Variants in AKAP14 observed in about 807,000 individuals in gnomAD.
AKAP14 encodes the protein A-kinase anchoring protein 14, also known as A-kinase anchor protein 14.
In AKAP14, 4 loss-of-function variants were observed where a neutral mutation model predicts 17.0. The ratio of observed to expected loss-of-function variants is 0.23; its 90% CI spans 0.12 to 0.54. The LOEUF (loss-of-function observed/expected upper bound fraction) is 0.54, where lower values mean the gene tolerates loss of function less well. Ranked by LOEUF, AKAP14 falls within the 20% of genes least tolerant of loss-of-function variation. The probability of loss-of-function intolerance (pLI) is 0.95; values close to 1 mark genes in which losing one functional copy is unlikely to be tolerated. For synonymous variants in AKAP14, 42 were observed against 51.3 expected (o/e 0.82, Z 0.77); for missense variants, 129 against 150.9 (o/e 0.85, Z 0.76).
At chrX:119,918,484 G>A (rs542327486) in intron 5 of AKAP14, among the ~76,000 whole-genome samples, 32 of 111,429 alleles carry the variant, frequency 2.9e-4, no homozygotes, top group African/African-American at 9.4e-4. Flanking sequence ...CATCTGCCTC[G>A]GCCTCCCAAA....
chrX:119,909,813 A>G lies in AKAP14; in HGVS notation c.262-4886A>G, dbSNP rs150828559. Among the ~76,000 whole-genome samples the G allele has an allele frequency of 8.6e-3, 933 of 107,944 alleles. 14 individuals are homozygous for G. Among genetic ancestry groups the G allele is most frequent in the African/African-American group, 0.03 (891 of 29,496 alleles). 93.7% of individuals were successfully genotyped at this position (107,944 alleles called of 115,157 possible). A position where few individuals can be genotyped will look rare whatever the true frequency, so the allele number is the denominator to read the frequency against. On this transcript the variant is annotated intron_variant, in intron 4 of 6. Transcript: ENST00000371431. ...GGAAGGAGAATCGCTTGAACCCAGG[A>G]GGCGGAGGTTGCAGTGTGCCGAGAT...
intron 2 of AKAP14, among the ~76,000 whole-genome samples, chrX:119,897,354 T>C (rs560535821): frequency 9.2e-6 from 1 of 108,481 alleles, no homozygotes; most frequent in Admixed American, 1.0e-4. Flanking sequence ...AGAGACGGGG[T>C]TTCACTGTGT....
chrX:119,905,629 C>T (rs1366447957), intron 4 of AKAP14, among the ~76,000 whole-genome samples: 1 of 111,210 alleles, frequency 9.0e-6, no homozygotes, highest in African/African-American at 3.3e-5. Context: ...CTTCCCTCGG[C>T]CACACTTGCC....
At chrX:119,918,936 A>G (rs946118579) in intron 5 of AKAP14, among the ~76,000 whole-genome samples, 1 of 112,139 alleles carries the variant, frequency 8.9e-6, no homozygotes, top group Non-Finnish European at 1.9e-5. Context: ...TATTCATCCT[A>G]TCCTAGTACA....
At chrX:119,898,889 C>G (rs2056547130) in intron 2 of AKAP14, among the ~76,000 whole-genome samples, 1 of 107,050 alleles carries the variant, frequency 9.3e-6, no homozygotes, top group African/African-American at 3.4e-5. Context: ...GAGAATAAGG[C>G]CAGGCGCGAT....
intron 4 of AKAP14, among the ~76,000 whole-genome samples, chrX:119,912,216 C>A (rs1317948303): frequency 8.9e-6 from 1 of 111,952 alleles, no homozygotes; most frequent in Non-Finnish European, 1.9e-5. Context: ...CAGGCGTGAG[C>A]CACTAAGCTT....
In AKAP14 at chrX:119,903,246, CA is replaced by C; in HGVS notation, c.25del (p.Ser9AlafsTer28). 2 of 1,208,973 alleles carry C rather than the reference CA, an allele frequency of 1.7e-6. No individual in the cohort carries two copies. The highest frequency in any genetic ancestry group is 2.2e-6 in the Non-Finnish European group (2 of 894,926). On this transcript the variant is annotated frameshift_variant, in exon 3 of 7. Coordinates refer to ENST00000371431, the MANE Select transcript of AKAP14 (RefSeq NM_178813.6). LOFTEE classifies it high-confidence loss of function. ...AAAATGAGTGAGACTCAAAATTCAACAAGCCAGAAAGCAATGGATGAGGATA... is the reference window on the plus strand; with the variant it reads ...AAAATGAGTGAGACTCAAAATTCAACAGCCAGAAAGCAATGGATGAGGATA... MSETQNSTSQKAMDEDNK... is the reference protein window; with the variant it reads MSETQNSXSQKAMDEDNK...
At chrX:119,917,492 T>C (rs1184262254) in intron 5 of AKAP14, among the ~76,000 whole-genome samples, 1 of 111,167 alleles carries the variant, frequency 9.0e-6, no homozygotes, top group African/African-American at 3.3e-5. Context: ...ATAATCCCAG[T>C]AACTCGGGAG....
intron 4 of AKAP14, among the ~76,000 whole-genome samples, chrX:119,910,325 AT>A (rs1293341336): frequency 1.8e-5 from 2 of 111,666 alleles, no homozygotes; most frequent in Non-Finnish European, 3.8e-5. Context: ...AGGGCCTGAA[AT>A]CTTTTTGATG....
intron 6 of AKAP14, 68 bp from the exon 7 acceptor site, chrX:119,920,440 C>T: frequency 1.1e-6 from 1 of 914,262 alleles, no homozygotes; most frequent in Non-Finnish European, 1.5e-6. Flanking sequence ...AGGGAATCCC[C>T]TTTGTTTGAT....
At position 119,907,585 on chromosome X, in the gene AKAP14, G is replaced by A. The variant is rs113602167; in HGVS notation, c.261+3999G>A. On this transcript the variant is annotated intron_variant, in intron 4 of 6. Coordinates refer to ENST00000371431, the MANE Select transcript of AKAP14 (RefSeq NM_178813.6). ...TGATCCTCCTGCCTCAGCCTCCTGAGTAGCTAGGACTATGGGTACACAGCA... is the reference window on the plus strand; with the variant it reads ...TGATCCTCCTGCCTCAGCCTCCTGAATAGCTAGGACTATGGGTACACAGCA... Among the ~76,000 whole-genome samples, 396 of 110,889 alleles carry A rather than the reference G, an allele frequency of 3.6e-3. 1 individual carries two copies. The highest frequency in any genetic ancestry group is 6.2e-3 in the Non-Finnish European group (326 of 52,981).
chrX:119,919,810 C>A, intron 5 of AKAP14, 101 bp from the exon 6 acceptor site: 1 of 912,637 alleles, frequency 1.1e-6, no homozygotes, highest in Non-Finnish European at 1.6e-6. Context: ...TGCACCACTG[C>A]ACTTACACCT....
chrX:119,900,800 G>C (rs1192656191), intron 2 of AKAP14, among the ~76,000 whole-genome samples: 1 of 111,535 alleles, frequency 9.0e-6, no homozygotes, highest in Non-Finnish European at 1.9e-5. Flanking sequence ...GCCTCCCGAA[G>C]TGCTGGGATT....
chrX:119,904,708 C>T (rs1445033971), intron 4 of AKAP14, among the ~76,000 whole-genome samples: 1 of 111,179 alleles, frequency 9.0e-6, no homozygotes, highest in East Asian at 2.8e-4. Context: ...TATGGTGAAA[C>T]CCCGTCTCTA....
intron 2 of AKAP14, among the ~76,000 whole-genome samples, chrX:119,898,579 T>G (rs1264145135): frequency 7.2e-4 from 78 of 108,497 alleles, no homozygotes; most frequent in Non-Finnish European, 1.2e-3. Context: ...GTGTATCACC[T>G]GAGGTCAGGA....
At chrX:119,904,003 G>T (rs998123981) in intron 4 of AKAP14, among the ~76,000 whole-genome samples, 1 of 111,290 alleles carries the variant, frequency 9.0e-6, no homozygotes, top group African/African-American at 3.3e-5. Flanking sequence ...CAGTGCAGGG[G>T]CTCGATCCTA....
At chrX:119,911,486 G>T (rs1459452135) in intron 4 of AKAP14, among the ~76,000 whole-genome samples, 1 of 111,501 alleles carries the variant, frequency 9.0e-6, no homozygotes, top group African/African-American at 3.2e-5. Context: ...GTGTTCAAAG[G>T]GAAAGGGTGT....
At chrX:119,905,287 C>T (rs780485180) in intron 4 of AKAP14, among the ~76,000 whole-genome samples, 2 of 111,888 alleles carry the variant, frequency 1.8e-5, no homozygotes, top group South Asian at 3.7e-4. Flanking sequence ...TATGCTCCAG[C>T]GGACGCCACT....
chrX:119,905,600 C>T (rs1267257520), intron 4 of AKAP14, among the ~76,000 whole-genome samples: 1 of 111,053 alleles, frequency 9.0e-6, no homozygotes, highest in Non-Finnish European at 1.9e-5. Context: ...TCCCATCACT[C>T]CTTCCCCCCT....
Sources: gnomAD v4.1 joint callset for allele counts (sites outside exome capture counted in the v4.1 genomes callset) on GRCh38, gnomAD v4.1.1 for gene constraint, MANE v1.5 for transcripts, NCBI Gene and HGNC (gene_info 2026-07-23, HGNC 2026-07-21) for gene names.